H4C6: variants seen among roughly 807,000 people sequenced by gnomAD.
H4C6 encodes histone H4.
In H4C6, 8 loss-of-function variants were observed where a neutral mutation model predicts 5.7. The observed-to-expected ratio is 1.41, with a 90% confidence interval of 0.82 to 2.54. The LOEUF is 2.54. H4C6 is among the 30% of genes most tolerant of loss of function. The pLI is 0.00. For synonymous variants in H4C6, 124 were observed against 57.0 expected, an observed-to-expected ratio of 2.18 and a Z score of -5.30; for missense variants, 230 against 145.9, an observed-to-expected ratio of 1.58 and a Z score of -2.97.
In H4C6 at chr6:26,240,401, T is replaced by TA. The variant is rs765524459; in HGVS notation, c.-23dup. The TA allele has an allele frequency of 2.1e-5, 32 of 1,506,312 alleles. 1 individual carries two copies. Among genetic ancestry groups the TA allele is most frequent in the Non-Finnish European group, 2.8e-5 (31 of 1,118,086 alleles). The allele number at this position is 1,506,312 out of a possible 1,614,324, so 93.3% of individuals were successfully genotyped here. Reference sequence around the variant, plus strand: ...CAGTGTGTAGCAAAGTTGCAAAAGTTAAGAGTTGTTGTTTGTCTTCGATCA... The same window carrying TA: ...CAGTGTGTAGCAAAGTTGCAAAAGTTAAAGAGTTGTTGTTTGTCTTCGATCA... On this transcript the variant is annotated 5_prime_UTR_variant, in exon 1 of 1. Coordinates refer to ENST00000244537, the MANE Select transcript of H4C6 (RefSeq NM_003540.4).
In H4C6 at chr6:26,240,512, C is replaced by A. The variant is rs762560157; in HGVS notation, c.87C>A (p.Gly29=). The A allele has an allele frequency of 1.2e-6, 2 of 1,613,818 alleles. No individual in the cohort carries two copies. The highest frequency in any genetic ancestry group is 1.3e-5 in the African/African-American group (1 of 75,086). The change falls in exon 1 of 1, where the codon GGC becomes GGA. Residue 29 remains glycine, a synonymous_variant. Coordinates refer to ENST00000244537, the MANE Select transcript of H4C6 (RefSeq NM_003540.4). Reference sequence around the variant, plus strand: ...AAGTGCTGCGTGACAACATACAGGGCATCACGAAGCCCGCCATCCGTCGCT... The same window carrying A: ...AAGTGCTGCGTGACAACATACAGGGAATCACGAAGCCCGCCATCCGTCGCT... The part of the protein sequence containing the change: ...HRKVLRDNIQ[G]ITKPAIRRLA...
chr6:26,240,477 C>G lies in H4C6; in HGVS notation c.52C>G (p.Arg18Gly). Reference sequence around the variant, plus strand: ...AGGTTTAGGAAAGGGAGGCGCCAAGCGCCATCGCAAAGTGCTGCGTGACAA... The same window carrying G: ...AGGTTTAGGAAAGGGAGGCGCCAAGGGCCATCGCAAAGTGCTGCGTGACAA... ...GKGLGKGGAK[R>G]HRKVLRDNIQ... The change falls in exon 1 of 1, where the codon CGC (arginine) becomes GGC (glycine). Residue 18 changes from arginine (R) to glycine (G), a missense_variant. Arg to Gly is a moderately radical substitution (Grantham distance 125). Transcript: ENST00000244537. 1 of 1,600,162 alleles carries G rather than the reference C, an allele frequency of 6.2e-7. No homozygotes were observed. The highest frequency in any genetic ancestry group is 8.5e-7 in the Non-Finnish European group (1 of 1,169,738).
rs780279958 is a variant in H4C6, at chr6:26,240,485, C to A, written c.60C>A (p.Arg20=). ...GLGKGGAKRH[R]KVLRDNIQGI... is the part of the protein sequence containing the mutation. ...GAAAGGGAGGCGCCAAGCGCCATCG[C>A]AAAGTGCTGCGTGACAACATACAGG... Residue 20 remains arginine, a synonymous_variant, in exon 1 of 1, where the codon CGC becomes CGA. Transcript: ENST00000244537. 1 of 1,604,752 alleles carries A rather than the reference C, an allele frequency of 6.2e-7. No individual in the cohort carries two copies. Among genetic ancestry groups the A allele is most frequent in the South Asian group, 1.1e-5 (1 of 90,644 alleles).
In H4C6 at chr6:26,240,396, AAAGTT is replaced by A. The variant is rs761005597; in HGVS notation, c.-26_-22del. 36 of 1,501,408 alleles carry A rather than the reference AAAGTT, an allele frequency of 2.4e-5. No individual in the cohort carries two copies. Among genetic ancestry groups the A allele is most frequent in the Middle Eastern group, 1.8e-4 (1 of 5,580 alleles). 93.0% of individuals were successfully genotyped at this position (1,501,408 alleles called of 1,614,324 possible). A position where few individuals can be genotyped will look rare whatever the true frequency, so the allele number is the denominator to read the frequency against. ...GGCTTCAGTGTGTAGCAAAGTTGCA[AAAGTT>A]AAGAGTTGTTGTTTGTCTTCGATCA... On this transcript the variant is annotated 5_prime_UTR_variant, in exon 1 of 1. Transcript: ENST00000244537.
rs754521099 is a variant in H4C6 at position 26,240,430 on chromosome 6, C to T, written c.5C>T (p.Ser2Phe). 10 of 1,558,886 alleles carry T rather than the reference C, an allele frequency of 6.4e-6. No individual in the cohort carries two copies. The highest frequency in any genetic ancestry group is 8.7e-6 in the Non-Finnish European group (10 of 1,148,696). M[S>F]GRGKGGKGLG... ...AGTTGTTGTTTGTCTTCGATCATGT[C>T]TGGTAGAGGCAAAGGTGGTAAAGGT... The change falls in exon 1 of 1, where the codon TCT becomes TTT. Residue 2 changes from serine (S) to phenylalanine (F), a missense_variant. Ser to Phe is a radical substitution (Grantham distance 155). Coordinates refer to ENST00000244537, the MANE Select transcript of H4C6 (RefSeq NM_003540.4).
rs545244795 is a variant in H4C6, at chr6:26,240,590, C to G, written c.165C>G (p.Thr55=). The G allele has an allele frequency of 1.1e-5, 17 of 1,614,098 alleles. No homozygotes were observed. The African/African-American group carries it at 1.1e-4, about 10-fold the overall frequency. The change falls in exon 1 of 1, where the codon ACC becomes ACG. Residue 55 remains threonine (T), a synonymous_variant. Transcript: ENST00000244537. The part of the protein sequence containing the change: ...KRISGLIYEE[T]RGVLKVFLEN... ...TTTCGGGCCTCATTTATGAGGAGAC[C>G]CGCGGTGTTCTTAAGGTGTTCCTGG...
Position 26,240,656 on chromosome 6 carries a change from C to G in H4C6, c.231C>G (p.Ala77=). The change falls in exon 1 of 1, where the codon GCC becomes GCG. Residue 77 remains alanine (A), a synonymous_variant. Coordinates refer to ENST00000244537, the MANE Select transcript of H4C6 (RefSeq NM_003540.4). ...IRDAVTYTEH[A]KRKTVTAMDV... The stretch of plus-strand genomic sequence containing the variant: ...ACGCCGTAACCTACACGGAGCACGC[C>G]AAGCGTAAGACAGTCACTGCAATGG... The G allele has an allele frequency of 6.2e-7, 1 of 1,613,586 alleles. No individual in the cohort carries two copies. The highest frequency in any genetic ancestry group is 1.1e-5 in the South Asian group (1 of 91,038).
rs747825739 is a variant in H4C6 at position 26,240,414 on chromosome 6, T to C, written c.-12T>C. 2.0e-6 allele frequency: 3 copies of C among 1,531,362 alleles called. No individual in the cohort carries two copies. The highest frequency in any genetic ancestry group is 2.6e-6 in the Non-Finnish European group (3 of 1,136,706). The allele number at this position is 1,531,362 out of a possible 1,614,324, so 94.9% of individuals were successfully genotyped here. A position where few individuals can be genotyped will look rare whatever the true frequency, so the allele number is the denominator to read the frequency against. ...AGTTGCAAAAGTTAAGAGTTGTTGTTTGTCTTCGATCATGTCTGGTAGAGG... is the reference window on the plus strand; with the variant it reads ...AGTTGCAAAAGTTAAGAGTTGTTGTCTGTCTTCGATCATGTCTGGTAGAGG... On this transcript the variant is annotated 5_prime_UTR_variant, in exon 1 of 1. Transcript: ENST00000244537.
At position 26,240,483 on chromosome 6, in the gene H4C6, C is replaced by T. The variant is rs41266817; in HGVS notation, c.58C>T (p.Arg20Cys). 1,734 of 1,602,836 alleles carry T rather than the reference C, an allele frequency of 1.1e-3. 8 individuals are homozygous for T. Among genetic ancestry groups the T allele is most frequent in the Admixed American group, 7.7e-4 (46 of 59,492 alleles). The change falls in exon 1 of 1, where the codon CGC becomes TGC. Residue 20 changes from arginine to cysteine, a missense_variant. Physicochemically the swap from Arg to Cys is radical, Grantham distance 180. Transcript: ENST00000244537. ...GLGKGGAKRH[R>C]KVLRDNIQGI... ...AGGAAAGGGAGGCGCCAAGCGCCAT[C>T]GCAAAGTGCTGCGTGACAACATACA...
chr6:26,240,717 C>T lies in H4C6; in HGVS notation c.292C>T (p.Leu98=). Reference sequence around the variant, plus strand: ...CGCGCTCAAGCGCCAGGGACGCACTCTGTACGGCTTTGGTGGCTGAGCCTC... The same window carrying T: ...CGCGCTCAAGCGCCAGGGACGCACTTTGTACGGCTTTGGTGGCTGAGCCTC... ...VYALKRQGRT[L]YGFGG The change falls in exon 1 of 1, where the codon CTG becomes TTG. Residue 98 remains leucine, a synonymous_variant. Coordinates refer to ENST00000244537, the MANE Select transcript of H4C6 (RefSeq NM_003540.4). 1.3e-6 allele frequency: 2 copies of T among 1,596,114 alleles called. No individual in the cohort carries two copies. The highest frequency in any genetic ancestry group is 1.7e-6 in the Non-Finnish European group (2 of 1,169,610).
At position 26,240,440 on chromosome 6, in the gene H4C6, C is replaced by CA. The variant is rs780732543; in HGVS notation, c.18dup (p.Gly7ArgfsTer3). The CA allele has an allele frequency of 6.4e-7, 1 of 1,570,852 alleles. No individual in the cohort carries two copies. Among genetic ancestry groups the CA allele is most frequent in the Non-Finnish European group, 8.7e-7 (1 of 1,154,428 alleles). The stretch of plus-strand genomic sequence containing the variant: ...TGTCTTCGATCATGTCTGGTAGAGG[C>CA]AAAGGTGGTAAAGGTTTAGGAAAGG... On this transcript the variant is annotated frameshift_variant, in exon 1 of 1. Transcript: ENST00000244537. LOFTEE classifies it high-confidence loss of function.
rs1484006889 is a variant in H4C6, at chr6:26,240,486, A to C, written c.61A>C (p.Lys21Gln). 1 of 1,605,262 alleles carries C rather than the reference A, an allele frequency of 6.2e-7. No individual in the cohort carries two copies. Among genetic ancestry groups the C allele is most frequent in the Non-Finnish European group, 8.5e-7 (1 of 1,173,224 alleles). ...AAAGGGAGGCGCCAAGCGCCATCGC[A>C]AAGTGCTGCGTGACAACATACAGGG... ...LGKGGAKRHR[K>Q]VLRDNIQGIT... The change falls in exon 1 of 1, where the codon AAA becomes CAA. Residue 21 changes from lysine to glutamine, a missense_variant. Transcript: ENST00000244537.
In H4C6 at chr6:26,240,669, G is replaced by C. The variant is rs965484860; in HGVS notation, c.244G>C (p.Val82Leu). The change falls in exon 1 of 1, where the codon GTC (valine) becomes CTC (leucine). Residue 82 changes from valine to leucine, a missense_variant. Val to Leu is a conservative substitution (Grantham distance 32, BLOSUM62 1). Coordinates refer to ENST00000244537, the MANE Select transcript of H4C6 (RefSeq NM_003540.4). ...TYTEHAKRKT[V>L]TAMDVVYALK... ...CACGGAGCACGCCAAGCGTAAGACA[G>C]TCACTGCAATGGATGTTGTCTACGC... The C allele has an allele frequency of 6.2e-7, 1 of 1,612,576 alleles. No individual in the cohort carries two copies. Among genetic ancestry groups the C allele is most frequent in the Non-Finnish European group, 8.5e-7 (1 of 1,178,956 alleles).
At position 26,240,578 on chromosome 6, in the gene H4C6, T is replaced by G; in HGVS notation, c.153T>G (p.Ile51Met). The stretch of plus-strand genomic sequence containing the variant: ...GCGTGAAACGCATTTCGGGCCTCAT[T>G]TATGAGGAGACCCGCGGTGTTCTTA... Reference protein sequence around the residue: ...RGGVKRISGLIYEETRGVLKV... With the variant: ...RGGVKRISGLMYEETRGVLKV... The change falls in exon 1 of 1, where the codon ATT becomes ATG. Residue 51 changes from isoleucine to methionine, a missense_variant. By Grantham distance (10) the Ile-to-Met change is conservative. Coordinates refer to ENST00000244537, the MANE Select transcript of H4C6 (RefSeq NM_003540.4). The G allele has an allele frequency of 6.2e-7, 1 of 1,614,216 alleles. No individual in the cohort carries two copies. The highest frequency in any genetic ancestry group is 8.5e-7 in the Non-Finnish European group (1 of 1,180,018).
In H4C6 at chr6:26,240,711, C is replaced by A. The variant is rs1317898882; in HGVS notation, c.286C>A (p.Arg96Ser). The A allele has an allele frequency of 6.2e-7, 1 of 1,600,758 alleles. No individual in the cohort carries two copies. The highest frequency in any genetic ancestry group is 8.5e-7 in the Non-Finnish European group (1 of 1,172,254). ...DVVYALKRQG[R>S]TLYGFGG Reference sequence around the variant, plus strand: ...TGTCTACGCGCTCAAGCGCCAGGGACGCACTCTGTACGGCTTTGGTGGCTG... The same window carrying A: ...TGTCTACGCGCTCAAGCGCCAGGGAAGCACTCTGTACGGCTTTGGTGGCTG... The change falls in exon 1 of 1, where the codon CGC becomes AGC. Residue 96 changes from arginine (R) to serine (S), a missense_variant. Physicochemically the swap from Arg to Ser is moderately radical, Grantham distance 110. Transcript: ENST00000244537.
Position 26,240,597 on chromosome 6 carries a change from GTTC to G in H4C6, c.175_177del (p.Leu59del), listed in dbSNP as rs1561755662. On this transcript the variant is annotated inframe_deletion, in exon 1 of 1. Transcript: ENST00000244537. ...CCTCATTTATGAGGAGACCCGCGGTGTTCTTAAGGTGTTCCTGGAGAATGTGAT... is the reference window on the plus strand; with the variant it reads ...CCTCATTTATGAGGAGACCCGCGGTGTTAAGGTGTTCCTGGAGAATGTGAT... 1 of 1,614,234 alleles carries G rather than the reference GTTC, an allele frequency of 6.2e-7. No individual in the cohort carries two copies. Among genetic ancestry groups the G allele is most frequent in the Admixed American group, 1.7e-5 (1 of 60,024 alleles).
rs776494576 is a variant in H4C6, at chr6:26,240,665, G to C, written c.240G>C (p.Lys80Asn). ...AVTYTEHAKR[K>N]TVTAMDVVYA... is the part of the protein sequence containing the mutation. The stretch of plus-strand genomic sequence containing the variant: ...CCTACACGGAGCACGCCAAGCGTAA[G>C]ACAGTCACTGCAATGGATGTTGTCT... The change falls in exon 1 of 1, where the codon AAG becomes AAC. Residue 80 changes from lysine (K) to asparagine (N), a missense_variant. Coordinates refer to ENST00000244537, the MANE Select transcript of H4C6 (RefSeq NM_003540.4). 6.2e-7 allele frequency: 1 copy of C among 1,613,000 alleles called. No individual in the cohort carries two copies. The highest frequency in any genetic ancestry group is 8.5e-7 in the Non-Finnish European group (1 of 1,179,198).
chr6:26,240,758 T>C lies in H4C6; in HGVS notation c.*21T>C, dbSNP rs767775138. ...GCTGAGCCTCACCCCGGCTTTTTAT[T>C]TAACAGCTCACCCATAAAAGGCCCT... On this transcript the variant is annotated 3_prime_UTR_variant, in exon 1 of 1. Transcript: ENST00000244537. The C allele has an allele frequency of 6.5e-7, 1 of 1,539,610 alleles. No individual in the cohort carries two copies. The highest frequency in any genetic ancestry group is 1.4e-5 in the African/African-American group (1 of 72,904).
chr6:26,240,442 A>G lies in H4C6; in HGVS notation c.17A>G (p.Lys6Arg), dbSNP rs781483784. Residue 6 changes from lysine (K) to arginine (R), a missense_variant, in exon 1 of 1, where the codon AAA becomes AGA. Coordinates refer to ENST00000244537, the MANE Select transcript of H4C6 (RefSeq NM_003540.4). ...TCTTCGATCATGTCTGGTAGAGGCA[A>G]AGGTGGTAAAGGTTTAGGAAAGGGA... The part of the protein sequence containing the change: MSGRG[K>R]GGKGLGKGGA... 2 of 1,572,210 alleles carry G rather than the reference A, an allele frequency of 1.3e-6. No homozygotes were observed. Among genetic ancestry groups the G allele is most frequent in the South Asian group, 1.2e-5 (1 of 85,490 alleles).
Sources: gnomAD v4.1 joint callset for allele counts on GRCh38, gnomAD v4.1.1 for gene constraint, MANE v1.5 for transcripts, NCBI Gene and HGNC (gene_info 2026-07-23, HGNC 2026-07-21) for gene names.